The following MFSD11 variants were observed in gnomAD, a reference collection of about 807,000 sequenced individuals.
MFSD11 encodes the protein UNC93-like protein MFSD11.
In MFSD11, 36 loss-of-function variants were observed where a neutral mutation model predicts 53.5. The observed-to-expected ratio is 0.67, with a 90% CI of 0.52 to 0.89. The LOEUF (loss-of-function observed/expected upper bound fraction) is 0.89, where lower values mean the gene tolerates loss of function less well. Among genes scored for constraint, MFSD11 ranks in the 40% least tolerant of loss-of-function variants. The pLI, the probability that MFSD11 is intolerant of heterozygous loss-of-function variation, is 0.00. For synonymous variants in MFSD11, 186 were observed against 184.9 expected, an observed-to-expected ratio of 1.01 and a Z score of -0.05; for missense variants, 530 against 543.9, an observed-to-expected ratio of 0.97 and a Z score of 0.25.
rs2081800789 is a variant in MFSD11, at chr17:76,776,010, CTCTG to C, written c.1050-391_1050-388del. On this transcript the variant is annotated intron_variant, in intron 11 of 12. Transcript: ENST00000685175. The surrounding 1 kb of genome is among the most constrained non-coding windows in gnomAD (Gnocchi z 4.2). ...TTATTTATTTTGAGACAGAGTCTCA[CTCTG>C]TCTGCCAGCCTAGAATGCAAGTGGC... Among the ~76,000 whole-genome samples, 1 of 152,174 alleles carries C rather than the reference CTCTG, an allele frequency of 6.6e-6. No homozygotes were observed.
chr17:76,750,422 G>T (rs921373198), intron 7 of MFSD11, among the ~76,000 whole-genome samples: 11 of 144,140 alleles, frequency 7.6e-5, no homozygotes, highest in Admixed American at 1.4e-4. Flanking sequence ...AGGCTGGAGT[G>T]CAGTGGCGCA....
chr17:76,746,815 G>A (rs972046849), intron 7 of MFSD11, among the ~76,000 whole-genome samples: 1 of 152,168 alleles, frequency 6.6e-6, no homozygotes, highest in Admixed American at 6.5e-5. Flanking sequence ...TACCTGATCA[G>A]CCAAGTGCTT....
chr17:76,788,867 C>T, the MFSD11 span, among the ~76,000 whole-genome samples: 5 of 145,500 alleles, frequency 3.4e-5, no homozygotes, highest in Admixed American at 6.9e-5. Flanking sequence ...TAAGATCGGA[C>T]GTGGTGGCTC....
At chr17:76,737,983 C>T (rs1002118252), upstream of MFSD11, 20 of 285,434 alleles carry the variant, frequency 7.0e-5, no homozygotes, top group Middle Eastern at 2.0e-3. Flanking sequence ...TCAGGTGACC[C>T]GGTCGCCTGG....
intron 8 of MFSD11, among the ~76,000 whole-genome samples, chr17:76,761,458 G>A (rs1455528335): frequency 1.3e-5 from 2 of 151,968 alleles, no homozygotes; most frequent in Admixed American, 1.3e-4. Context: ...GATTACCCTA[G>A]CCATAAAAAT....
At chr17:76,755,339 A>G (rs1204272895) in intron 8 of MFSD11, among the ~76,000 whole-genome samples, 1 of 152,152 alleles carries the variant, frequency 6.6e-6, no homozygotes, top group East Asian at 1.9e-4. Context: ...GCTTCTGCCT[A>G]TGGCTCTCTC....
chr17:76,754,271 T>C, intron 8 of MFSD11, 184 bp downstream of exon 8: 1 of 556,842 alleles, frequency 1.8e-6, no homozygotes, highest in South Asian at 2.2e-5. Context: ...TTGTGAGGGA[T>C]GGATGATGGT....
chr17:76,756,100 A>C (rs1186342275), intron 8 of MFSD11, among the ~76,000 whole-genome samples: 1 of 148,928 alleles, frequency 6.7e-6, no homozygotes, highest in Non-Finnish European at 1.5e-5. Context: ...CTGGGATTAC[A>C]GGCATGAGCC....
Position 76,749,566 on chromosome 17 carries a change from T to C in MFSD11, c.642-4481T>C, listed in dbSNP as rs559807945. On this transcript the variant is annotated intron_variant, in intron 7 of 12. Transcript: ENST00000685175. ...AAGAAGAAGAAGGAACAATGTATGC[T>C]GTAGCCTATCTCCATATGGTTCTTG... Among the ~76,000 whole-genome samples the C allele has an allele frequency of 1.5e-4, 23 of 148,992 alleles. No individual in the cohort carries two copies. In the South Asian group the frequency reaches 2.4e-3, roughly 15 times the overall value.
chr17:76,782,438 G>T (rs1203736941), downstream of MFSD11, among the ~76,000 whole-genome samples: 1 of 143,754 alleles, frequency 7.0e-6, no homozygotes, highest in Non-Finnish European at 1.5e-5. Flanking sequence ...GCCTCCCAAA[G>T]TGCTGGGATT....
the MFSD11 span, among the ~76,000 whole-genome samples, chr17:76,801,803 A>T: frequency 6.6e-6 from 1 of 151,912 alleles, no homozygotes; most frequent in Admixed American, 6.6e-5. Flanking sequence ...TCTTTACTGC[A>T]TTCTGTTTTA....
intron 10 of MFSD11, among the ~76,000 whole-genome samples, chr17:76,773,915 A>C (rs545699510): frequency 2.6e-5 from 4 of 151,270 alleles, no homozygotes; most frequent in Non-Finnish European, 4.4e-5. Flanking sequence ...AACTTTCTAA[A>C]TTTTTTTAAA....
upstream of MFSD11, chr17:76,737,169 G>A (rs559905588): frequency 2.6e-6 from 4 of 1,549,920 alleles, no homozygotes; most frequent in Admixed American, 1.9e-5. Flanking sequence ...ATAGCTCTGA[G>A]TGGCGGCCCG....
At chr17:76,745,637 C>T (rs1267754369) in intron 7 of MFSD11, among the ~76,000 whole-genome samples, 1 of 152,080 alleles carries the variant, frequency 6.6e-6, no homozygotes, top group African/African-American at 2.4e-5. Context: ...AGGTGGTGAA[C>T]TTAATTGATA....
chr17:76,793,453 C>T, the MFSD11 span, among the ~76,000 whole-genome samples: 1 of 151,514 alleles, frequency 6.6e-6, no homozygotes, highest in Admixed American at 6.6e-5. Flanking sequence ...GGTTATCTGT[C>T]TTGTTCCCTG....
chr17:76,769,944 C>T, intron 10 of MFSD11, 73 bp downstream of exon 10: 2 of 1,377,148 alleles, frequency 1.5e-6, no homozygotes, highest in Admixed American at 2.3e-5. Context: ...TTTAAGTGTG[C>T]TTCACCTTTG....
chr17:76,796,503 A>G, the MFSD11 span, among the ~76,000 whole-genome samples: 1 of 152,220 alleles, frequency 6.6e-6, no homozygotes, highest in East Asian at 1.9e-4. Flanking sequence ...TCTCTTCCAC[A>G]CCAGCCGACT....
At chr17:76,786,534 G>T in the MFSD11 span, among the ~76,000 whole-genome samples, 12 of 152,244 alleles carry the variant, frequency 7.9e-5, no homozygotes, top group African/African-American at 2.6e-4. Context: ...GCGCAGCTGG[G>T]TCTTAAGGAA....
intron 8 of MFSD11, among the ~76,000 whole-genome samples, chr17:76,761,956 A>G (rs1231193148): frequency 1.3e-5 from 2 of 151,994 alleles, no homozygotes; most frequent in African/African-American, 4.8e-5. Flanking sequence ...CATATGATTC[A>G]CCCATTTAAT....
Sources: gnomAD v4.1 joint callset for allele counts (sites outside exome capture counted in the v4.1 genomes callset) on GRCh38, gnomAD v4.1.1 for gene constraint, Gnocchi (gnomAD v3.1) non-coding constraint, MANE v1.5 for transcripts, NCBI Gene and HGNC (gene_info 2026-07-23, HGNC 2026-07-21) for gene names.